Variants in SHANK2 observed in about 807,000 individuals in gnomAD.
SHANK2 encodes the protein SH3 and multiple ankyrin repeat domains 2, also known as SH3 and multiple ankyrin repeat domains protein 2.
A neutral mutation model predicts 133.7 loss-of-function variants in SHANK2; 43 were observed. The observed-to-expected ratio is 0.32, with a 90% confidence interval of 0.25 to 0.41. The LOEUF (loss-of-function observed/expected upper bound fraction) is 0.41. Among genes scored for constraint, SHANK2 ranks in the 10% least tolerant of loss-of-function variants. The probability of loss-of-function intolerance (pLI) is 1.00; values close to 1 mark genes in which losing one functional copy is unlikely to be tolerated. For missense variants in SHANK2, 1,994 were observed against 2,235.8 expected (o/e 0.89, Z 2.18); for synonymous variants, 1,017 against 952.8 (o/e 1.07, Z -1.24).
intron 15 of SHANK2, among the ~76,000 whole-genome samples, chr11:70,693,309 G>A (rs577981534): frequency 1.3e-5 from 2 of 152,308 alleles, no homozygotes; most frequent in East Asian, 3.9e-4. Context: ...TTTTCATGAA[G>A]CACGAGGTCT....
intron 17 of SHANK2, among the ~76,000 whole-genome samples, chr11:70,527,395 C>A (rs1252570239): frequency 3.9e-5 from 6 of 152,198 alleles, no homozygotes; most frequent in Admixed American, 3.9e-4. Flanking sequence ...TCTAGAACGA[C>A]CCCCATGGTC....
chr11:70,578,801 T>G (rs1432395380), intron 17 of SHANK2, among the ~76,000 whole-genome samples: 2 of 152,182 alleles, frequency 1.3e-5, no homozygotes, highest in Non-Finnish European at 1.5e-5. Context: ...AGGGGGATGA[T>G]TGCTCTTTCC....
At chr11:70,575,432 T>C (rs1156589712) in intron 17 of SHANK2, among the ~76,000 whole-genome samples, 1 of 150,164 alleles carries the variant, frequency 6.7e-6, no homozygotes, top group Non-Finnish European at 1.5e-5. Context: ...GTCAGGAGAA[T>C]TGCTTGAACC....
rs111631996 is a variant in SHANK2, at chr11:70,788,276, C to A, written c.1777+10167G>T. Among the ~76,000 whole-genome samples the A allele has an allele frequency of 3.4e-3, 522 of 152,270 alleles. 5 individuals carry two copies. The highest frequency in any genetic ancestry group is 0.012 in the African/African-American group (508 of 41,556). ...ACAAGAAATCTCAAAGGACAGTGGC[C>A]CCAAGTCACTTGTGACTTCAGCAGC... is the stretch of plus-strand genomic sequence containing the variant. On this transcript the variant is annotated intron_variant, in intron 14 of 25. Coordinates refer to ENST00000601538, the MANE Select transcript of SHANK2 (RefSeq NM_012309.5).
chr11:70,616,958 A>G (rs551652671), intron 17 of SHANK2, among the ~76,000 whole-genome samples: 1 of 151,968 alleles, frequency 6.6e-6, no homozygotes, highest in Admixed American at 6.6e-5. Flanking sequence ...GTGTGTGTGT[A>G]TGTGTGTGAG....
intron 21 of SHANK2, among the ~76,000 whole-genome samples, chr11:70,498,417 GCT>G (rs1391253286): frequency 6.6e-6 from 1 of 152,204 alleles, no homozygotes; most frequent in African/African-American, 2.4e-5. Context: ...TGGCCTGCAG[GCT>G]CTGAGTCACA....
chr11:70,781,558 T>TTATTTATATATATATATATATATA (rs71049941), intron 14 of SHANK2, among the ~76,000 whole-genome samples: 79 of 28,936 alleles, frequency 2.7e-3, no homozygotes, highest in Middle Eastern at 0.05. Flanking sequence ...TACTTACTTA[T>TTATTTATATATATATATATATATA]TATATATATA....
chr11:70,853,829 T>C (rs1949128220), intron 11 of SHANK2, among the ~76,000 whole-genome samples: 2 of 152,166 alleles, frequency 1.3e-5, no homozygotes, highest in East Asian at 3.8e-4. Flanking sequence ...CCTCTTCCAC[T>C]CCATTCTCTG....
At chr11:70,517,012 G>A (rs987009751) in intron 17 of SHANK2, among the ~76,000 whole-genome samples, 9 of 152,210 alleles carry the variant, frequency 5.9e-5, no homozygotes, top group Admixed American at 5.2e-4. Context: ...GGTGGAGGTT[G>A]CTGTGAGTCC....
At chr11:70,678,532 C>CTT (rs34446408) in intron 15 of SHANK2, among the ~76,000 whole-genome samples, 2,253 of 77,046 alleles carry the variant, frequency 0.029, 143 homozygotes, top group African/African-American at 0.057. Context: ...TAAGAACAGG[C>CTT]TTTTTTTTTT....
rs149952551 is a variant in SHANK2, at chr11:70,594,433, G to A, written c.2061+65395C>T. On this transcript the variant is annotated intron_variant, in intron 17 of 25. Transcript: ENST00000601538. ...TATGAAAAGCCAGCCTCCTTTCTAC[G>A]TGGGGTGGGTTCTGCATTCCACGAA... 5.6e-4 allele frequency among the ~76,000 whole-genome samples: 85 copies of A among 152,326 alleles called. No individual in the cohort carries two copies. In the East Asian group the frequency reaches 0.014, roughly 26 times the overall value.
intron 17 of SHANK2, among the ~76,000 whole-genome samples, chr11:70,515,644 A>AAC (rs1357708852): frequency 6.7e-6 from 1 of 148,460 alleles, no homozygotes; most frequent in Non-Finnish European, 1.5e-5. Flanking sequence ...CTTGAAAAAA[A>AAC]AAAAAAAAAA....
intron 2 of SHANK2, among the ~76,000 whole-genome samples, chr11:71,193,299 A>G (rs536223692): frequency 6.6e-6 from 1 of 152,266 alleles, no homozygotes; most frequent in African/African-American, 2.4e-5. Context: ...AGAGCCTTGC[A>G]GCAATTCCAA....
intron 17 of SHANK2, among the ~76,000 whole-genome samples, chr11:70,653,406 C>T (rs1183525617): frequency 6.6e-6 from 1 of 152,006 alleles, no homozygotes; most frequent in African/African-American, 2.4e-5. Context: ...GGCCACCTCA[C>T]ATTTCTCAAG....
intron 2 of SHANK2, among the ~76,000 whole-genome samples, chr11:71,151,845 C>A (rs550243851): frequency 6.6e-6 from 1 of 152,130 alleles, no homozygotes; most frequent in African/African-American, 2.4e-5. Flanking sequence ...GGAAGCCCCC[C>A]CTCAGTGGAC....
intron 25 of SHANK2, among the ~76,000 whole-genome samples, chr11:70,478,614 T>A (rs1049778871): frequency 5.3e-5 from 8 of 152,198 alleles, no homozygotes; most frequent in Non-Finnish European, 8.8e-5. Context: ...GAGGCCTGGA[T>A]GTGGGGACTG....
At chr11:70,796,708 GTGTAA>G (rs768284849) in intron 14 of SHANK2, among the ~76,000 whole-genome samples, 1 of 152,226 alleles carries the variant, frequency 6.6e-6, no homozygotes, top group Non-Finnish European at 1.5e-5. Context: ...TTGCTGCCCA[GTGTAA>G]ATCCCGTGTG....
At chr11:70,829,313 A>G (rs1428704473) in intron 11 of SHANK2, among the ~76,000 whole-genome samples, 1 of 152,126 alleles carries the variant, frequency 6.6e-6, no homozygotes, top group African/African-American at 2.4e-5. Flanking sequence ...TGGCCCAGAA[A>G]GGACCCTCAG....
At chr11:70,912,565 A>G (rs909426973) in intron 10 of SHANK2, among the ~76,000 whole-genome samples, 2 of 152,190 alleles carry the variant, frequency 1.3e-5, no homozygotes, top group South Asian at 2.1e-4. Flanking sequence ...GCCTCCTGCC[A>G]TGATTCTGAG....
Sources: gnomAD v4.1 joint callset for allele counts (sites outside exome capture counted in the v4.1 genomes callset) on GRCh38, gnomAD v4.1.1 for gene constraint, MANE v1.5 for transcripts, NCBI Gene and HGNC (gene_info 2026-07-23, HGNC 2026-07-21) for gene names.